Variants in PPFIA2 observed in about 807,000 individuals in gnomAD.
PPFIA2 encodes the protein liprin-alpha-2.
Under a neutral mutation model 175.5 loss-of-function variants are expected in PPFIA2, and 46 were observed. The ratio of observed to expected loss-of-function variants is 0.26; its 90% CI spans 0.21 to 0.34. PPFIA2 has a LOEUF of 0.34. Among genes scored for constraint, PPFIA2 ranks in the 10% least tolerant of loss-of-function variants. The pLI, the probability that PPFIA2 is intolerant of heterozygous loss-of-function variation, is 1.00. For missense variants in PPFIA2, 1,179 were observed against 1,506.1 expected (o/e 0.78, Z 3.60); for synonymous variants, 568 against 511.4 (o/e 1.11, Z -1.49).
intron 22 of PPFIA2, among the ~76,000 whole-genome samples, chr12:81,319,168 T>C (rs2053119157): frequency 6.6e-6 from 1 of 151,830 alleles, no homozygotes; most frequent in African/African-American, 2.4e-5. Context: ...TGTTAATATA[T>C]TAACATTGAA....
intron 3 of PPFIA2, among the ~76,000 whole-genome samples, chr12:81,690,548 C>G (rs2075114936): frequency 6.6e-6 from 1 of 152,072 alleles, no homozygotes; most frequent in Admixed American, 6.6e-5. Flanking sequence ...CAGATTTGAG[C>G]TGCAGAGTGG....
At chr12:81,660,420 T>C (rs1051346858) in intron 4 of PPFIA2, among the ~76,000 whole-genome samples, 2 of 152,130 alleles carry the variant, frequency 1.3e-5, no homozygotes, top group Non-Finnish European at 2.9e-5. Context: ...CAGTAGCTGA[T>C]TCGATCAACT....
Position 81,737,619 on chromosome 12 carries a change from C to T in PPFIA2, c.249+16354G>A, listed in dbSNP as rs142838331. Among the ~76,000 whole-genome samples, 16 of 151,924 alleles carry T rather than the reference C, an allele frequency of 1.1e-4. No individual in the cohort carries two copies. In the East Asian group the frequency reaches 2.1e-3, roughly 20 times the overall value. On this transcript the variant is annotated intron_variant, in intron 3 of 32. Coordinates refer to ENST00000549396, the MANE Select transcript of PPFIA2 (RefSeq NM_003625.5). ...AATGAAACAGATAAAAGGAATTCCT[C>T]ATATTCAAGTTAGCAGAAAGACTTA...
chr12:81,284,229 A>T lies in PPFIA2; in HGVS notation c.2988+12T>A. The T allele has an allele frequency of 6.4e-7, 1 of 1,560,344 alleles. No individual in the cohort carries two copies. Among genetic ancestry groups the T allele is most frequent in the Non-Finnish European group, 8.8e-7 (1 of 1,135,700 alleles). ...ACTTTCCTTCAGGTTCAACAAAGCCATTAAGACTAACCGTTTTTGCTGGAG... is the reference window on the plus strand; with the variant it reads ...ACTTTCCTTCAGGTTCAACAAAGCCTTTAAGACTAACCGTTTTTGCTGGAG... On this transcript the variant is annotated intron_variant, in intron 25 of 32. Coordinates refer to ENST00000549396, the MANE Select transcript of PPFIA2 (RefSeq NM_003625.5).
At chr12:81,711,539 G>A (rs2077920090) in intron 3 of PPFIA2, among the ~76,000 whole-genome samples, 1 of 151,332 alleles carries the variant, frequency 6.6e-6, no homozygotes, top group African/African-American at 2.4e-5. Context: ...ATTGATCCCA[G>A]TATAATTATT....
At chr12:81,755,721 A>G (rs529145441) in intron 2 of PPFIA2, among the ~76,000 whole-genome samples, 2 of 152,142 alleles carry the variant, frequency 1.3e-5, no homozygotes, top group Non-Finnish European at 2.9e-5. Flanking sequence ...GTCATTGAAC[A>G]TTAGGAAAGT....
At chr12:81,620,191 G>GCAA (rs2061899218) in intron 4 of PPFIA2, among the ~76,000 whole-genome samples, 1 of 147,222 alleles carries the variant, frequency 6.8e-6, no homozygotes, top group Non-Finnish European at 1.5e-5. Context: ...AAGAAGAAAG[G>GCAA]CAATTCTAGT....
intron 8 of PPFIA2, among the ~76,000 whole-genome samples, chr12:81,397,844 T>C (rs889636683): frequency 1.3e-5 from 2 of 151,880 alleles, no homozygotes; most frequent in African/African-American, 4.8e-5. Flanking sequence ...TTCTGTAAGA[T>C]CAGCGGCAGC....
At chr12:81,329,273 A>C (rs576265426) in intron 21 of PPFIA2, among the ~76,000 whole-genome samples, 86 of 152,276 alleles carry the variant, frequency 5.6e-4, no homozygotes, top group African/African-American at 2.0e-3. Flanking sequence ...TTTGAGTCCC[A>C]TGATTCAGCA....
At chr12:81,620,180 AAAG>A (rs1278718192) in intron 4 of PPFIA2, among the ~76,000 whole-genome samples, 12 of 150,606 alleles carry the variant, frequency 8.0e-5, no homozygotes, top group African/African-American at 2.9e-4. Context: ...AAAAAAAAAA[AAAG>A]AAGAAAGGCA....
At chr12:81,510,743 A>G (rs1462105978) in intron 4 of PPFIA2, among the ~76,000 whole-genome samples, 1 of 152,132 alleles carries the variant, frequency 6.6e-6, no homozygotes, top group African/African-American at 2.4e-5. Flanking sequence ...AAAAATTAAT[A>G]TAGTGATGTA....
intron 4 of PPFIA2, among the ~76,000 whole-genome samples, chr12:81,607,208 G>C (rs753670701): frequency 6.6e-6 from 1 of 151,670 alleles, no homozygotes; most frequent in Non-Finnish European, 1.5e-5. Flanking sequence ...TTGGTTACTG[G>C]AGGCTTATAG....
intron 4 of PPFIA2, among the ~76,000 whole-genome samples, chr12:81,602,983 A>G (rs1490066343): frequency 6.6e-6 from 1 of 151,866 alleles, no homozygotes; most frequent in Non-Finnish European, 1.5e-5. Flanking sequence ...TGTTGACTCA[A>G]TGAATGTGCT....
chr12:81,423,602 AATAAAGATCATGCGGGAAAAGTAC>A (rs2046662983), intron 7 of PPFIA2, among the ~76,000 whole-genome samples: 1 of 152,186 alleles, frequency 6.6e-6, no homozygotes, highest in Admixed American at 6.6e-5. Context: ...ACCTCAGCAC[AATAAAGATCATGCGGGAAAAGTAC>A]ATAGCTAACA....
chr12:81,425,560 G>A (rs1025334039), intron 7 of PPFIA2, among the ~76,000 whole-genome samples: 1 of 152,092 alleles, frequency 6.6e-6, no homozygotes, highest in African/African-American at 2.4e-5. Context: ...TAGAGAGGGG[G>A]TTTCACCATG....
chr12:81,509,682 T>C (rs1222323910), intron 4 of PPFIA2, among the ~76,000 whole-genome samples: 1 of 151,990 alleles, frequency 6.6e-6, no homozygotes, highest in Non-Finnish European at 1.5e-5. Context: ...CTCAAAGTTG[T>C]GGATCACCTC....
At chr12:81,680,937 A>G (rs1249494165) in intron 3 of PPFIA2, among the ~76,000 whole-genome samples, 2 of 151,982 alleles carry the variant, frequency 1.3e-5, no homozygotes, top group African/African-American at 2.4e-5. Flanking sequence ...CTTGATAGTG[A>G]GCACCTTATT....
At chr12:81,711,412 T>C (rs1279570215) in intron 3 of PPFIA2, among the ~76,000 whole-genome samples, 7 of 151,358 alleles carry the variant, frequency 4.6e-5, no homozygotes, top group Non-Finnish European at 1.0e-4. Flanking sequence ...TTTTCATGCA[T>C]TGTAAATCCC....
intron 4 of PPFIA2, among the ~76,000 whole-genome samples, chr12:81,629,905 T>C (rs2063166269): frequency 6.6e-6 from 1 of 152,142 alleles, no homozygotes; most frequent in Non-Finnish European, 1.5e-5. Context: ...GCCAAAAAAG[T>C]TTACAGATGT....
Sources: allele counts gnomAD v4.1 joint callset (sites outside exome capture counted in the v4.1 genomes callset), GRCh38; gene constraint gnomAD v4.1.1; transcripts MANE v1.5; gene names NCBI Gene and HGNC (gene_info 2026-07-23, HGNC 2026-07-21).